The following TCF4 variants were observed in gnomAD, a reference collection of about 807,000 sequenced individuals.
TCF4 encodes SL3-3 enhancer factor 2.
In TCF4, 3 loss-of-function variants were observed where a neutral mutation model predicts 82.1. That is an observed-to-expected ratio of 0.04 (90% CI 0.02 to 0.09). The LOEUF (loss-of-function observed/expected upper bound fraction) is 0.09. TCF4 is among the 10% of genes least tolerant of loss of function. TCF4 has a pLI of 1.00. For missense variants in TCF4, 518 were observed against 852.7 expected (o/e 0.61, Z 4.89); for synonymous variants, 276 against 309.6 (o/e 0.89, Z 1.14).
intron 3 of TCF4, among the ~76,000 whole-genome samples, chr18:55,575,977 T>G (rs549726763): frequency 1.3e-5 from 2 of 152,318 alleles, no homozygotes; most frequent in East Asian, 1.9e-4. Flanking sequence ...GACCAAACAA[T>G]GTGACACTGG....
intron 8 of TCF4, chr18:55,321,935 G>A: frequency 2.2e-6 from 3 of 1,381,700 alleles, no homozygotes; most frequent in Non-Finnish European, 2.8e-6. Context: ...GCTCAACTTT[G>A]CGCAGCGGAG....
At chr18:55,535,746 T>C (rs912140430) in intron 3 of TCF4, among the ~76,000 whole-genome samples, 30 of 152,216 alleles carry the variant, frequency 2.0e-4, no homozygotes, top group Non-Finnish European at 3.5e-4. Flanking sequence ...TATTTCTTGG[T>C]CCAATTAGTA....
At chr18:55,345,145 T>C (rs1393987084) in intron 8 of TCF4, among the ~76,000 whole-genome samples, 2 of 152,134 alleles carry the variant, frequency 1.3e-5, no homozygotes, top group Non-Finnish European at 2.9e-5. Context: ...AAGCCTCTTG[T>C]GTGCTTTCTG....
At chr18:55,422,755 C>A (rs2094821103) in intron 5 of TCF4, among the ~76,000 whole-genome samples, 1 of 152,104 alleles carries the variant, frequency 6.6e-6, no homozygotes, top group South Asian at 2.1e-4. Flanking sequence ...TTAATTACAA[C>A]CTTGTCAGCA....
At chr18:55,248,058 C>A (rs1367887255) in intron 15 of TCF4, among the ~76,000 whole-genome samples, 2 of 152,078 alleles carry the variant, frequency 1.3e-5, no homozygotes, top group Admixed American at 6.5e-5. Context: ...CCCTGAGAGT[C>A]CATGGGAATA....
intron 8 of TCF4, chr18:55,321,401 C>T (rs1429167037): frequency 2.0e-6 from 1 of 505,730 alleles, no homozygotes; most frequent in Non-Finnish European, 3.5e-6. Flanking sequence ...CTTTACCTGA[C>T]TGCAAACTTT....
intron 3 of TCF4, among the ~76,000 whole-genome samples, chr18:55,476,380 T>C (rs1167169052): frequency 3.3e-5 from 5 of 152,182 alleles, no homozygotes; most frequent in Admixed American, 3.3e-4. Flanking sequence ...CCATACAATA[T>C]TGAGTGAGTT....
chr18:55,577,168 A>G (rs373380555), intron 3 of TCF4, among the ~76,000 whole-genome samples: 2 of 137,718 alleles, frequency 1.5e-5, no homozygotes, highest in East Asian at 2.0e-4. Flanking sequence ...GTATATATAC[A>G]TTTATATATT....
intron 8 of TCF4, among the ~76,000 whole-genome samples, chr18:55,339,508 C>G (rs2079361198): frequency 6.6e-6 from 1 of 152,158 alleles, no homozygotes; most frequent in African/African-American, 2.4e-5. Context: ...TCTCTGTGAA[C>G]TGAAGCATCA....
chr18:55,299,824 G>C (rs189817376), intron 8 of TCF4, among the ~76,000 whole-genome samples: 89 of 152,206 alleles, frequency 5.8e-4, no homozygotes, highest in African/African-American at 2.0e-3. Context: ...TCCCTGCTGA[G>C]CCACAGTAAT....
At chr18:55,522,481 G>C (rs914350161) in intron 3 of TCF4, among the ~76,000 whole-genome samples, 2 of 152,074 alleles carry the variant, frequency 1.3e-5, no homozygotes, top group Non-Finnish European at 2.9e-5. Flanking sequence ...ATATAAAATA[G>C]AATATTTCTA....
chr18:55,497,662 A>C (rs146103734), intron 3 of TCF4, among the ~76,000 whole-genome samples: 7 of 152,226 alleles, frequency 4.6e-5, no homozygotes, highest in African/African-American at 1.7e-4. Context: ...AATTAAAAGC[A>C]GGAGGAATGT....
intron 10 of TCF4, among the ~76,000 whole-genome samples, chr18:55,273,358 C>T (rs995459442): frequency 2.6e-5 from 4 of 152,074 alleles, no homozygotes; most frequent in Admixed American, 6.6e-5. Context: ...CCAGGAACAG[C>T]GCTTAGCTTT....
chr18:55,525,785 G>A (rs1273873920), intron 3 of TCF4, among the ~76,000 whole-genome samples: 7 of 87,014 alleles, frequency 8.0e-5, no homozygotes, highest in Non-Finnish European at 1.4e-4. Flanking sequence ...GTTCATTTCC[G>A]CCTTGCCCTC....
At chr18:55,609,917 T>G (rs916036449) in intron 2 of TCF4, among the ~76,000 whole-genome samples, 4 of 151,732 alleles carry the variant, frequency 2.6e-5, no homozygotes, top group Admixed American at 2.6e-4. Flanking sequence ...CACCCCCTGT[T>G]TGTTTTCTTT....
At chr18:55,368,594 T>C (rs145274204) in intron 6 of TCF4, among the ~76,000 whole-genome samples, 3,474 of 152,200 alleles carry the variant, frequency 0.023, 66 homozygotes, top group Non-Finnish European at 0.035. Flanking sequence ...GGGCCATGGG[T>C]TAGACAAGCT....
chr18:55,475,203 A>G lies in TCF4; in HGVS notation c.146-11066T>C, dbSNP rs149571891. ...ACTGAATTGTCTATCTCTTTTATCC[A>G]TTTGAATCAGACATAATTCCTCAGC... On this transcript the variant is annotated intron_variant, in intron 3 of 19. Transcript: ENST00000354452. Among the ~76,000 whole-genome samples the G allele has an allele frequency of 2.0e-5, 3 of 152,348 alleles. No homozygotes were observed. In the East Asian group the frequency reaches 5.8e-4, roughly 29 times the overall value.
intron 8 of TCF4, among the ~76,000 whole-genome samples, chr18:55,319,163 A>G (rs900015024): frequency 2.0e-5 from 3 of 152,222 alleles, no homozygotes; most frequent in African/African-American, 7.2e-5. Context: ...CATACACACA[A>G]AAAAGCATAG....
intron 8 of TCF4, among the ~76,000 whole-genome samples, chr18:55,317,546 G>A (rs1219160621): frequency 1.3e-5 from 2 of 152,006 alleles, no homozygotes; most frequent in African/African-American, 2.4e-5. Flanking sequence ...GGAAAAAAAA[G>A]AGCCATATGT....
Sources: allele counts gnomAD v4.1 joint callset (sites outside exome capture counted in the v4.1 genomes callset), GRCh38; gene constraint gnomAD v4.1.1; transcripts MANE v1.5; gene names NCBI Gene and HGNC (gene_info 2026-07-23, HGNC 2026-07-21).